The following HCN1 variants were observed in gnomAD, a reference collection of about 807,000 sequenced individuals.
HCN1 encodes hyperpolarization activated cyclic nucleotide gated potassium channel 1.
A neutral mutation model predicts 78.9 loss-of-function variants in HCN1; 13 were observed. The observed-to-expected ratio is 0.16, with a 90% confidence interval of 0.11 to 0.26. The LOEUF is 0.26. Ranked by LOEUF, HCN1 falls within the 10% of genes least tolerant of loss-of-function variation. The pLI is 1.00. For synonymous variants in HCN1, 552 were observed against 455.5 expected, an observed-to-expected ratio of 1.21 and a Z score of -2.70; for missense variants, 810 against 1,154.3, an observed-to-expected ratio of 0.70 and a Z score of 4.32.
intron 2 of HCN1, among the ~76,000 whole-genome samples, chr5:45,633,485 A>T (rs551368666): frequency 6.6e-6 from 1 of 152,074 alleles, no homozygotes; most frequent in South Asian, 2.1e-4. Context: ...GTGGAGCCAA[A>T]ATGTGGCTTT....
intron 2 of HCN1, among the ~76,000 whole-genome samples, chr5:45,506,942 T>C (rs1561181695): frequency 6.6e-6 from 1 of 152,110 alleles, no homozygotes. Context: ...CATTTCTTAA[T>C]GGAAAGAAAA....
intron 1 of HCN1, among the ~76,000 whole-genome samples, chr5:45,655,836 A>T (rs1307310471): frequency 6.6e-6 from 1 of 152,162 alleles, no homozygotes. Context: ...GCCCACAAAG[A>T]TATCTCACTG....
intron 3 of HCN1, among the ~76,000 whole-genome samples, chr5:45,438,436 T>TA (rs1740603176): frequency 6.6e-6 from 1 of 151,380 alleles, no homozygotes; most frequent in African/African-American, 2.4e-5. Context: ...ACTAAAAATA[T>TA]AAAAAATTAG....
At chr5:45,346,781 T>C (rs772907596) in intron 5 of HCN1, among the ~76,000 whole-genome samples, 1 of 152,060 alleles carries the variant, frequency 6.6e-6, no homozygotes, top group Non-Finnish European at 1.5e-5. Flanking sequence ...CAATCTGAGA[T>C]CAAACTGCAA....
chr5:45,405,767 A>T (rs994465553), intron 3 of HCN1, among the ~76,000 whole-genome samples: 39 of 152,126 alleles, frequency 2.6e-4, no homozygotes, highest in African/African-American at 9.4e-4. Context: ...TCTGATAACA[A>T]CCTTTTGCCT....
At chr5:45,438,993 A>G (rs1306018798) in intron 3 of HCN1, among the ~76,000 whole-genome samples, 1 of 152,156 alleles carries the variant, frequency 6.6e-6, no homozygotes, top group Non-Finnish European at 1.5e-5. Flanking sequence ...TTGCCTAATA[A>G]GATAGGAATA....
intron 2 of HCN1, among the ~76,000 whole-genome samples, chr5:45,607,467 T>C (rs1051502399): frequency 6.6e-6 from 1 of 151,498 alleles, no homozygotes; most frequent in African/African-American, 2.4e-5. Context: ...ATTCCAGGAA[T>C]GTAAAATACA....
intron 2 of HCN1, among the ~76,000 whole-genome samples, chr5:45,546,864 A>G (rs904772947): frequency 3.3e-5 from 5 of 151,918 alleles, no homozygotes; most frequent in Admixed American, 3.3e-4. Context: ...TTTCACGAGT[A>G]GAATACTTTA....
chr5:45,373,273 T>C (rs1346879451), intron 4 of HCN1, among the ~76,000 whole-genome samples: 7 of 114,556 alleles, frequency 6.1e-5, no homozygotes, highest in South Asian at 2.4e-4. Flanking sequence ...ATATTATATA[T>C]ATTTTATATT....
intron 2 of HCN1, among the ~76,000 whole-genome samples, chr5:45,612,776 C>T (rs1183383051): frequency 1.3e-5 from 2 of 152,032 alleles, no homozygotes; most frequent in Non-Finnish European, 2.9e-5. Context: ...TCACTTTGCC[C>T]CATTCTGTTT....
chr5:45,693,030 T>C (rs556097919), intron 1 of HCN1, among the ~76,000 whole-genome samples: 15 of 152,246 alleles, frequency 9.9e-5, no homozygotes, highest in Admixed American at 7.9e-4. Context: ...ATTTTAGGAA[T>C]TGTAGTAAAG....
intron 2 of HCN1, among the ~76,000 whole-genome samples, chr5:45,475,251 G>A (rs1206170846): frequency 1.3e-5 from 2 of 151,984 alleles, no homozygotes; most frequent in African/African-American, 4.8e-5. Flanking sequence ...GTTACTGGAG[G>A]AACTTGGTTT....
chr5:45,498,276 T>C (rs1317822894), intron 2 of HCN1, among the ~76,000 whole-genome samples: 1 of 152,214 alleles, frequency 6.6e-6, no homozygotes, highest in East Asian at 1.9e-4. Context: ...TTGGAGGCTT[T>C]GCTCGTTTCT....
intron 4 of HCN1, among the ~76,000 whole-genome samples, chr5:45,361,472 C>A (rs945374029): frequency 1.3e-5 from 2 of 152,212 alleles, no homozygotes; most frequent in African/African-American, 2.4e-5. Context: ...ACCACCATGC[C>A]CAGCTAATTT....
intron 3 of HCN1, among the ~76,000 whole-genome samples, chr5:45,412,313 G>T (rs901920633): frequency 6.6e-6 from 1 of 151,966 alleles, no homozygotes; most frequent in Non-Finnish European, 1.5e-5. Context: ...TTGAGGTGTG[G>T]GTATCTGTGT....
rs759096969 is a variant in HCN1 at position 45,695,662 on chromosome 5, C to T, written c.425+7G>A. ...GGGAGGGTGGGGCGGCGACCGGGAGCCCTCACCTGAAATCACTGTAAGGGT... is the reference window on the plus strand; with the variant it reads ...GGGAGGGTGGGGCGGCGACCGGGAGTCCTCACCTGAAATCACTGTAAGGGT... On this transcript the variant is annotated splice_region_variant and intron_variant, in intron 1 of 7. Coordinates refer to ENST00000303230, the MANE Select transcript of HCN1 (RefSeq NM_021072.4). The T allele has an allele frequency of 1.9e-6, 3 of 1,611,026 alleles. No individual in the cohort carries two copies. The highest frequency in any genetic ancestry group is 2.5e-6 in the Non-Finnish European group (3 of 1,178,938).
intron 4 of HCN1, among the ~76,000 whole-genome samples, chr5:45,392,102 T>C (rs1231654117): frequency 6.6e-6 from 1 of 152,144 alleles, no homozygotes; most frequent in African/African-American, 2.4e-5. Context: ...AGAAAGTATA[T>C]ATCTTAACCA....
At chr5:45,588,243 A>C (rs902200430) in intron 2 of HCN1, among the ~76,000 whole-genome samples, 4 of 152,202 alleles carry the variant, frequency 2.6e-5, no homozygotes, top group Non-Finnish European at 5.9e-5. Flanking sequence ...GTACATTTAT[A>C]TTCCGGCAAG....
intron 2 of HCN1, chr5:45,576,338 AT>A (rs1480989278): frequency 6.6e-6 from 1 of 152,194 alleles, no homozygotes; most frequent in African/African-American, 2.4e-5. Context: ...ACATAAACTT[AT>A]TTAATGAAGC....
Sources: gnomAD v4.1 joint callset for allele counts (sites outside exome capture counted in the v4.1 genomes callset) on GRCh38, gnomAD v4.1.1 for gene constraint, MANE v1.5 for transcripts, NCBI Gene and HGNC (gene_info 2026-07-23, HGNC 2026-07-21) for gene names.